ELP4: variants seen among roughly 807,000 people sequenced by gnomAD.
ELP4 encodes the protein elongator complex protein 4.
Under a neutral mutation model 48.9 loss-of-function variants are expected in ELP4, and 51 were observed. That is an observed-to-expected ratio of 1.04 (90% CI 0.83 to 1.32). ELP4 has a LOEUF of 1.32. Among genes scored for constraint, ELP4 ranks in the 40% most tolerant of loss-of-function variants. The pLI is 0.00. For missense variants in ELP4, 519 were observed against 514.6 expected (o/e 1.01, Z -0.08); for synonymous variants, 210 against 189.2 (o/e 1.11, Z -0.90).
intron 9 of ELP4, chr11:31,654,136 A>G (rs1243230219): frequency 6.6e-6 from 1 of 151,712 alleles, no homozygotes; most frequent in East Asian, 1.9e-4. Flanking sequence ...GTTTTCACAA[A>G]GAGAGTTTCC....
intron 5 of ELP4, among the ~76,000 whole-genome samples, chr11:31,614,743 A>G (rs2134017861): frequency 6.6e-6 from 1 of 152,308 alleles, no homozygotes; most frequent in African/African-American, 2.4e-5. Context: ...CCAAAAATTA[A>G]TAATTCAAAT....
At chr11:31,577,055 C>T (rs910795083) in intron 3 of ELP4, among the ~76,000 whole-genome samples, 4 of 148,252 alleles carry the variant, frequency 2.7e-5, no homozygotes, top group Non-Finnish European at 4.6e-5. Context: ...GCAAGACTAA[C>T]GAAAAGAAAG....
chr11:31,647,149 C>T (rs1592188538), intron 7 of ELP4: 1 of 151,834 alleles, frequency 6.6e-6, no homozygotes, highest in East Asian at 1.9e-4. Context: ...TATCCCAGAG[C>T]CAAATGGCAG....
chr11:31,542,397 G>A (rs866362818), intron 3 of ELP4, among the ~76,000 whole-genome samples: 2 of 152,192 alleles, frequency 1.3e-5, no homozygotes, highest in African/African-American at 4.8e-5. Flanking sequence ...GTCTTCAGAT[G>A]AGTGCTCACC....
At chr11:31,554,283 C>A (rs1183566923) in intron 3 of ELP4, among the ~76,000 whole-genome samples, 4 of 152,132 alleles carry the variant, frequency 2.6e-5, no homozygotes, top group Non-Finnish European at 5.9e-5. Context: ...ATAAACCAGA[C>A]CCTGGTGCCA....
chr11:31,511,342 G>A (rs1312325294), intron 1 of ELP4: 1 of 151,860 alleles, frequency 6.6e-6, no homozygotes, highest in Admixed American at 6.6e-5. Context: ...TAATTCAATG[G>A]GATATGTAAC....
intron 9 of ELP4, among the ~76,000 whole-genome samples, chr11:31,671,506 T>A (rs1012677613): frequency 3.3e-5 from 5 of 152,208 alleles, no homozygotes; most frequent in Non-Finnish European, 7.4e-5. Flanking sequence ...TTTAAGACAT[T>A]ATAGATAAAT....
chr11:31,744,429 G>A (rs187277215), intron 9 of ELP4, among the ~76,000 whole-genome samples: 45 of 152,210 alleles, frequency 3.0e-4, no homozygotes, highest in African/African-American at 1.1e-3. Context: ...GCCTGGCAGA[G>A]ACACAACAAA....
intron 3 of ELP4, among the ~76,000 whole-genome samples, chr11:31,553,227 A>T (rs559888164): frequency 6.6e-6 from 1 of 152,198 alleles, no homozygotes; most frequent in South Asian, 2.1e-4. Flanking sequence ...ACAGTGGATG[A>T]CAAATGAATC....
At chr11:31,545,679 T>A (rs957358634) in intron 3 of ELP4, among the ~76,000 whole-genome samples, 2 of 152,028 alleles carry the variant, frequency 1.3e-5, no homozygotes, top group African/African-American at 4.8e-5. Context: ...AGACACGTAA[T>A]TGTCAGATTC....
intron 9 of ELP4, among the ~76,000 whole-genome samples, chr11:31,684,258 G>A (rs1331387766): frequency 6.6e-6 from 1 of 151,172 alleles, no homozygotes; most frequent in East Asian, 1.9e-4. Flanking sequence ...CCAGGCTGGA[G>A]TGCAGTGGAT....
At position 31,650,138 on chromosome 11, in the gene ELP4, C is replaced by G; in HGVS notation, c.1060C>G (p.Pro354Ala). 1 of 1,511,670 alleles carries G rather than the reference C, an allele frequency of 6.6e-7. No individual in the cohort carries two copies. Among genetic ancestry groups the G allele is most frequent in the African/African-American group, 1.4e-5 (1 of 72,324 alleles). 93.6% of individuals were successfully genotyped at this position (1,511,670 alleles called of 1,614,324 possible). Residue 354 changes from proline to alanine, a missense_variant, in exon 9 of 10, where the codon CCT becomes GCT. By Grantham distance (27) the Pro-to-Ala change is conservative. Coordinates refer to ENST00000640961, the MANE Select transcript of ELP4 (RefSeq NM_019040.5). ...YHGLIHIRQI[P>A]RLNNLICDES... is the part of the protein sequence containing the mutation. ...AGGATTGATTCATATACGGCAGATT[C>G]CTCGGCTTAATAACTTGATCTGTGA...
At chr11:31,675,322 T>C (rs965994100) in intron 9 of ELP4, among the ~76,000 whole-genome samples, 8 of 151,728 alleles carry the variant, frequency 5.3e-5, no homozygotes, top group African/African-American at 1.9e-4. Context: ...TGGAGTGCAA[T>C]GGCGCGATCT....
intron 5 of ELP4, among the ~76,000 whole-genome samples, chr11:31,608,364 A>G (rs7952292): frequency 0.91 from 138,504 of 152,010 alleles, 64,143 homozygotes; most frequent in South Asian, 1. Context: ...GGAAGATGGA[A>G]GTGTTATATG....
chr11:31,554,337 A>G (rs1204990147), intron 3 of ELP4, among the ~76,000 whole-genome samples: 1 of 152,076 alleles, frequency 6.6e-6, no homozygotes, highest in African/African-American at 2.4e-5. Flanking sequence ...CTTGCTCTAG[A>G]ATAGCATAGG....
At chr11:31,721,292 A>G (rs1392990459) in intron 9 of ELP4, among the ~76,000 whole-genome samples, 3 of 152,190 alleles carry the variant, frequency 2.0e-5, no homozygotes, top group Admixed American at 6.5e-5. Context: ...TCTGATGCCA[A>G]GATGCCTTAT....
chr11:31,553,717 CACACACAA>C (rs1448222334), intron 3 of ELP4, among the ~76,000 whole-genome samples: 3 of 102,904 alleles, frequency 2.9e-5, no homozygotes, highest in African/African-American at 4.1e-5. Context: ...AATCTCTTTG[CACACACAA>C]ACACACACAC....
intron 1 of ELP4, among the ~76,000 whole-genome samples, chr11:31,519,540 G>C (rs572132643): frequency 1.4e-4 from 22 of 152,254 alleles, no homozygotes; most frequent in Admixed American, 3.3e-4. Flanking sequence ...TTTTAGGCCG[G>C]GCCTGGTGGC....
At position 31,783,524 on chromosome 11, in the gene ELP4, G is replaced by T. The variant is rs1202275006; in HGVS notation, c.1275G>T (p.Ter425TyrextTer15). The T allele has an allele frequency of 2.5e-6, 4 of 1,613,606 alleles. No homozygotes were observed. The African/African-American group carries it at 4.0e-5, about 16-fold the overall frequency. Residue 425 changes from the stop codon to tyrosine (Y), a stop_lost, in exon 10 of 10, where the codon TAG (stop) becomes TAT (tyrosine). Transcript: ENST00000640961. The part of the protein sequence containing the change: ...MAGGKKHLDF[*>Y] ...GAGGCAAGAAGCACCTGGACTTCTA[G>T]GGATTCCTCCTTAGTCGCTGCATGC...
Sources: gnomAD v4.1 joint callset for allele counts (sites outside exome capture counted in the v4.1 genomes callset) on GRCh38, gnomAD v4.1.1 for gene constraint, MANE v1.5 for transcripts, NCBI Gene and HGNC (gene_info 2026-07-23, HGNC 2026-07-21) for gene names.